Variants in SLC3A1 observed in about 807,000 individuals in gnomAD.
SLC3A1 encodes amino acid transporter heavy chain SLC3A1.
In SLC3A1, 78 loss-of-function variants were observed where a neutral mutation model predicts 60.3. That is an observed-to-expected ratio of 1.29 (90% CI 1.08 to 1.56). The LOEUF is 1.56. Ranked by LOEUF, SLC3A1 falls within the 40% of genes most tolerant of loss-of-function variation. The pLI, the probability that SLC3A1 is intolerant of heterozygous loss-of-function variation, is 0.00. For synonymous variants in SLC3A1, 392 were observed against 307.9 expected (o/e 1.27, Z -2.86); for missense variants, 1,172 against 858.9 (o/e 1.36, Z -4.56).
At chr2:44,284,341 G>A (rs1237875604) in intron 3 of SLC3A1, among the ~76,000 whole-genome samples, 1 of 152,118 alleles carries the variant, frequency 6.6e-6, no homozygotes, top group Non-Finnish European at 1.5e-5. Flanking sequence ...GCTTCCCAGA[G>A]TGCTAGGATT....
At chr2:44,301,740 A>C (rs1467782237) in intron 6 of SLC3A1, among the ~76,000 whole-genome samples, 1 of 147,846 alleles carries the variant, frequency 6.8e-6, no homozygotes, top group East Asian at 2.0e-4. Flanking sequence ...CTCCATCACA[A>C]AAAAAAAAAA....
chr2:44,313,825 T>A lies in SLC3A1; in HGVS notation c.1501-10T>A. On this transcript the variant is annotated splice_polypyrimidine_tract_variant and intron_variant, in intron 8 of 9. Transcript: ENST00000260649. ...AACCACTGTTTTCCCTTTCTGGTCT[T>A]TTGACATAGAATACCCTTCGCTCAA... 6.2e-7 allele frequency: 1 copy of A among 1,605,462 alleles called. No individual in the cohort carries two copies. Among genetic ancestry groups the A allele is most frequent in the Non-Finnish European group, 8.5e-7 (1 of 1,172,052 alleles).
In SLC3A1 at chr2:44,312,574, T is replaced by C. The variant is rs183158004; in HGVS notation, c.1333-12T>C. ...GTATACAGCTGTGTTCTTAAAAATA[T>C]CTGCCTTTCAGATTGGTGGACCAGA... On this transcript the variant is annotated splice_polypyrimidine_tract_variant and intron_variant, in intron 7 of 9. Transcript: ENST00000260649. 1.9e-6 allele frequency: 3 copies of C among 1,613,698 alleles called. No homozygotes were observed. The highest frequency in any genetic ancestry group is 2.2e-5 in the East Asian group (1 of 44,880).
chr2:44,320,130 T>C (rs1344130438), intron 9 of SLC3A1, 69 bp from the exon 10 acceptor site: 14 of 1,370,374 alleles, frequency 1.0e-5, no homozygotes, highest in Middle Eastern at 2.5e-4. Context: ...CTCCTTACAA[T>C]ATATTAAAAA....
chr2:44,297,115 C>T (rs1298843711), intron 4 of SLC3A1, among the ~76,000 whole-genome samples: 1 of 152,212 alleles, frequency 6.6e-6, no homozygotes, highest in Non-Finnish European at 1.5e-5. Flanking sequence ...ATCTGTGGCT[C>T]TGTTTCCCTC....
chr2:44,300,994 T>G lies in SLC3A1; in HGVS notation c.1012-9T>G, dbSNP rs776385008. ...AATGAGGGTAACCATGTCGTCCTGGTTTTCAAAGGACACGGTCACACAATA... is the reference window on the plus strand; with the variant it reads ...AATGAGGGTAACCATGTCGTCCTGGGTTTCAAAGGACACGGTCACACAATA... On this transcript the variant is annotated splice_polypyrimidine_tract_variant and intron_variant, in intron 5 of 9. Coordinates refer to ENST00000260649, the MANE Select transcript of SLC3A1 (RefSeq NM_000341.4). 8.7e-6 allele frequency: 14 copies of G among 1,613,582 alleles called. No individual in the cohort carries two copies. In the South Asian group the frequency reaches 1.3e-4, roughly 15 times the overall value.
intron 5 of SLC3A1, 60 bp from the exon 6 acceptor site, chr2:44,300,943 G>C: frequency 6.2e-7 from 1 of 1,608,824 alleles, no homozygotes; most frequent in South Asian, 1.1e-5. Flanking sequence ...TTCATATAGA[G>C]CGAGCTGTGG....
rs190531329 is a variant in SLC3A1, at chr2:44,293,362, C to G, written c.892-6609C>G. On this transcript the variant is annotated intron_variant, in intron 4 of 9. Transcript: ENST00000260649. Reference sequence around the variant, plus strand: ...TGAAACCCCATCTCTCCTAAAAATACAAAAATTAGCCAGGCATGGTGGTGG... The same window carrying G: ...TGAAACCCCATCTCTCCTAAAAATAGAAAAATTAGCCAGGCATGGTGGTGG... Among the ~76,000 whole-genome samples, 5 of 152,120 alleles carry G rather than the reference C, an allele frequency of 3.3e-5. 1 individual carries two copies. The highest frequency in any genetic ancestry group is 4.2e-4 in the South Asian group (2 of 4,816).
At chr2:44,302,607 C>T (rs1396437131) in intron 6 of SLC3A1, among the ~76,000 whole-genome samples, 1 of 152,218 alleles carries the variant, frequency 6.6e-6, no homozygotes, top group African/African-American at 2.4e-5. Flanking sequence ...CCTCAAATAG[C>T]TAAAGCCAGC....
chr2:44,299,368 C>G (rs1210209076), intron 4 of SLC3A1, among the ~76,000 whole-genome samples: 2 of 152,150 alleles, frequency 1.3e-5, no homozygotes, highest in Non-Finnish European at 2.9e-5. Flanking sequence ...TGAGTGTATT[C>G]AAGACAACAC....
At chr2:44,301,806 G>T (rs772368686) in intron 6 of SLC3A1, among the ~76,000 whole-genome samples, 34 of 151,180 alleles carry the variant, frequency 2.2e-4, no homozygotes, top group Non-Finnish European at 4.7e-4. Context: ...GCTCATGCCT[G>T]TAATCCCAGC....
chr2:44,312,677 C>G lies in SLC3A1; in HGVS notation c.1424C>G (p.Thr475Ser), dbSNP rs1408318639. 1 of 1,613,440 alleles carries G rather than the reference C, an allele frequency of 6.2e-7. No homozygotes were observed. Among genetic ancestry groups the G allele is most frequent in the Admixed American group, 1.7e-5 (1 of 60,010 alleles). The change falls in exon 8 of 10, where the codon ACT (threonine) becomes AGT (serine). Residue 475 changes from threonine (T) to serine (S), a missense_variant. By Grantham distance (58) the Thr-to-Ser change is moderately conservative (BLOSUM62 1). Transcript: ENST00000260649. ...MNMLLFTLPG[T>S]PITYYGEEIG... ...ATGCTTCTTTTCACACTCCCTGGAA[C>G]TCCTATAACTTACTATGGAGAAGAA...
intron 4 of SLC3A1, among the ~76,000 whole-genome samples, chr2:44,296,944 C>T (rs891187999): frequency 2.0e-5 from 3 of 152,156 alleles, no homozygotes; most frequent in Non-Finnish European, 2.9e-5. Context: ...GACTTTGCTC[C>T]TCATTCGCCT....
Position 44,285,948 on chromosome 2 carries a change from G to A in SLC3A1, c.766-84G>A, listed in dbSNP as rs146932778. On this transcript the variant is annotated intron_variant, in intron 3 of 9. Transcript: ENST00000260649. Reference sequence around the variant, plus strand: ...CTCTCAGGATTTACATACTCTGCCTGCAAAGGATCAGGGAGGGCAATGATC... The same window carrying A: ...CTCTCAGGATTTACATACTCTGCCTACAAAGGATCAGGGAGGGCAATGATC... 1.3e-3 allele frequency: 2,047 copies of A among 1,533,210 alleles called. 24 individuals carry two copies. In the African/African-American group the frequency reaches 0.024, roughly 18 times the overall value. 95.0% of individuals were successfully genotyped at this position (1,533,210 alleles called of 1,614,324 possible).
In SLC3A1 at chr2:44,299,968, T is replaced by C; in HGVS notation, c.892-3T>C. The C allele has an allele frequency of 6.2e-7, 1 of 1,614,124 alleles. No homozygotes were observed. Among genetic ancestry groups the C allele is most frequent in the South Asian group, 1.1e-5 (1 of 91,080 alleles). ...ACCAAGCATTTTGCTTCTTCATCTTTAGGAAATTTTACGGTTCTGGCTCAC... is the reference window on the plus strand; with the variant it reads ...ACCAAGCATTTTGCTTCTTCATCTTCAGGAAATTTTACGGTTCTGGCTCAC... On this transcript the variant is annotated splice_region_variant and splice_polypyrimidine_tract_variant and intron_variant, in intron 4 of 9. Coordinates refer to ENST00000260649, the MANE Select transcript of SLC3A1 (RefSeq NM_000341.4).
chr2:44,310,960 A>G (rs929968952), intron 7 of SLC3A1, among the ~76,000 whole-genome samples: 1 of 152,006 alleles, frequency 6.6e-6, no homozygotes, highest in Non-Finnish European at 1.5e-5. Context: ...ATGCCTGGCT[A>G]AATTTTTAAT....
At position 44,312,618 on chromosome 2, in the gene SLC3A1, G is replaced by C. The variant is rs555997742; in HGVS notation, c.1365G>C (p.Ser455=). 20 of 1,613,772 alleles carry C rather than the reference G, an allele frequency of 1.2e-5. No individual in the cohort carries two copies. The highest frequency in any genetic ancestry group is 1.5e-5 in the Non-Finnish European group (18 of 1,179,872). ...GACCAGACAGTTCACGGCTGACTTC[G>C]CGTTTGGGGAATCAGTATGTCAACG... ...IGGPDSSRLT[S]RLGNQYVNVM... Residue 455 remains serine, a synonymous_variant, in exon 8 of 10, where the codon TCG becomes TCC. Coordinates refer to ENST00000260649, the MANE Select transcript of SLC3A1 (RefSeq NM_000341.4).
At chr2:44,281,666 C>T in intron 3 of SLC3A1, 125 bp downstream of exon 3, 1 of 861,070 alleles carries the variant, frequency 1.2e-6, no homozygotes, top group Non-Finnish European at 1.9e-6. Context: ...GGGCAAGTTT[C>T]TGAAAGAAAT....
intron 9 of SLC3A1, chr2:44,314,996 G>C (rs1027460604): frequency 1.4e-5 from 2 of 144,460 alleles, no homozygotes; most frequent in African/African-American, 2.6e-5. Flanking sequence ...CAATGGTGTG[G>C]TCTTGGCTCA....
Sources: gnomAD v4.1 joint callset for allele counts (sites outside exome capture counted in the v4.1 genomes callset) on GRCh38, gnomAD v4.1.1 for gene constraint, MANE v1.5 for transcripts, NCBI Gene and HGNC (gene_info 2026-07-23, HGNC 2026-07-21) for gene names.